Variants in CNTNAP5 observed in about 807,000 individuals in gnomAD.
The protein encoded by CNTNAP5 is contactin-associated protein-like 5.
A neutral mutation model predicts 150.2 loss-of-function variants in CNTNAP5; 72 were observed. The observed-to-expected ratio is 0.48, with a 90% confidence interval of 0.40 to 0.58. The LOEUF (loss-of-function observed/expected upper bound fraction) is 0.58, where lower values mean the gene tolerates loss of function less well. Among genes scored for constraint, CNTNAP5 ranks in the 20% least tolerant of loss-of-function variants. The pLI, the probability that CNTNAP5 is intolerant of heterozygous loss-of-function variation, is 0.00. For missense variants in CNTNAP5, 1,636 were observed against 1,626.2 expected (o/e 1.01, Z -0.10); for synonymous variants, 672 against 619.8 (o/e 1.08, Z -1.25).
intron 13 of CNTNAP5, among the ~76,000 whole-genome samples, chr2:124,693,463 G>C (rs192882286): frequency 6.6e-6 from 1 of 152,240 alleles, no homozygotes; most frequent in Admixed American, 6.5e-5. Flanking sequence ...TCTTTAGTAT[G>C]AGGATTCAGA....
At chr2:124,504,194 C>A in intron 7 of CNTNAP5, 98 bp from the exon 8 acceptor site, 3 of 1,226,544 alleles carry the variant, frequency 2.4e-6, no homozygotes, top group Non-Finnish European at 3.5e-6. Flanking sequence ...GTGGAATGAT[C>A]CTGAAATTAA....
chr2:124,205,926 G>A (rs1291713175), intron 1 of CNTNAP5, among the ~76,000 whole-genome samples: 2 of 152,188 alleles, frequency 1.3e-5, no homozygotes, highest in Non-Finnish European at 2.9e-5. Context: ...GGGCTCAAAT[G>A]AAGTTTCCAT....
intron 19 of CNTNAP5, among the ~76,000 whole-genome samples, chr2:124,806,646 G>A (rs1473487335): frequency 6.6e-6 from 1 of 152,206 alleles, no homozygotes; most frequent in Non-Finnish European, 1.5e-5. Flanking sequence ...GCTGTACTGT[G>A]AGAATCAGAA....
intron 1 of CNTNAP5, among the ~76,000 whole-genome samples, chr2:124,202,548 T>C (rs1292729598): frequency 6.6e-6 from 1 of 152,166 alleles, no homozygotes; most frequent in Non-Finnish European, 1.5e-5. Flanking sequence ...ACGAGCATTG[T>C]GGTAGTCCGT....
In CNTNAP5 at chr2:124,711,445, C is replaced by T. The variant is rs193001965; in HGVS notation, c.2078-35784C>T. On this transcript the variant is annotated intron_variant, in intron 13 of 23. Coordinates refer to ENST00000682447, the MANE Select transcript of CNTNAP5 (RefSeq NM_001367498.1). ...AATAGACTTCAAATGATTTCCTTCT[C>T]CCTGTCTCTATCTGCTTTAGTTCAG... Among the ~76,000 whole-genome samples, 3 of 152,216 alleles carry T rather than the reference C, an allele frequency of 2.0e-5. No individual in the cohort carries two copies. In the East Asian group the frequency reaches 5.8e-4, roughly 29 times the overall value.
chr2:124,731,412 G>A (rs1166871015), intron 13 of CNTNAP5, among the ~76,000 whole-genome samples: 2 of 151,454 alleles, frequency 1.3e-5, no homozygotes, highest in Admixed American at 1.3e-4. Flanking sequence ...ATAAAATACT[G>A]TAGATAGGAT....
intron 8 of CNTNAP5, among the ~76,000 whole-genome samples, chr2:124,507,053 A>G (rs968064185): frequency 6.6e-6 from 1 of 152,222 alleles, no homozygotes; most frequent in Non-Finnish European, 1.5e-5. Context: ...TTACATGCAC[A>G]CAGGAGTCAC....
chr2:124,242,374 A>G lies in CNTNAP5; in HGVS notation c.362A>G (p.Lys121Arg), dbSNP rs753828713. The G allele has an allele frequency of 6.2e-7, 1 of 1,613,064 alleles. No individual in the cohort carries two copies. ...ACAGGACGCAACTGGAAACAGTACA[A>G]ACAAGAAGACAGCATCTGGGTAGGA... ...SDTGRNWKQY[K>R]QEDSIWTFAG... Residue 121 changes from lysine to arginine, a missense_variant, in exon 3 of 24, where the codon AAA (lysine) becomes AGA (arginine). Lys to Arg is a conservative substitution (Grantham distance 26). Transcript: ENST00000682447.
At chr2:124,680,666 T>A (rs1217174995) in intron 13 of CNTNAP5, 1 of 151,886 alleles carries the variant, frequency 6.6e-6, no homozygotes, top group Non-Finnish European at 1.5e-5. Flanking sequence ...GTCTCATAAA[T>A]TTTTGTTGGA....
intron 12 of CNTNAP5, among the ~76,000 whole-genome samples, chr2:124,622,897 T>C (rs569947441): frequency 6.6e-6 from 1 of 152,198 alleles, no homozygotes; most frequent in Non-Finnish European, 1.5e-5. Flanking sequence ...TGTAAAATAT[T>C]GCACAGAATA....
chr2:124,154,068 G>A (rs1352350714), intron 1 of CNTNAP5, among the ~76,000 whole-genome samples: 9 of 152,090 alleles, frequency 5.9e-5, no homozygotes, highest in Admixed American at 5.9e-4. Context: ...CAAACATTCA[G>A]TTCATAACAA....
chr2:124,574,207 G>A (rs1455419106), intron 11 of CNTNAP5, among the ~76,000 whole-genome samples: 2 of 152,112 alleles, frequency 1.3e-5, no homozygotes, highest in Non-Finnish European at 2.9e-5. Context: ...GGGGACGGGG[G>A]ATACTCCTGC....
intron 3 of CNTNAP5, among the ~76,000 whole-genome samples, chr2:124,315,755 A>C (rs1449298011): frequency 6.6e-6 from 1 of 152,038 alleles, no homozygotes; most frequent in Non-Finnish European, 1.5e-5. Flanking sequence ...CCTGAGCTGC[A>C]AGGGGATCCT....
At chr2:124,275,152 C>T (rs939632427) in intron 3 of CNTNAP5, among the ~76,000 whole-genome samples, 3 of 152,060 alleles carry the variant, frequency 2.0e-5, no homozygotes, top group Non-Finnish European at 4.4e-5. Context: ...AAGACCCACC[C>T]CCATGATTCA....
chr2:124,565,834 C>T (rs898982690), intron 11 of CNTNAP5, among the ~76,000 whole-genome samples: 5 of 151,952 alleles, frequency 3.3e-5, no homozygotes, highest in East Asian at 1.9e-4. Flanking sequence ...CTCCTGAACT[C>T]GTGATCCTCC....
chr2:124,796,251 A>C (rs76902753), intron 18 of CNTNAP5, among the ~76,000 whole-genome samples: 3,470 of 152,316 alleles, frequency 0.023, 137 homozygotes, highest in African/African-American at 0.08. Context: ...ATAAAGAAAA[A>C]AGTAATATCC....
At chr2:124,507,334 T>G (rs1694434353) in intron 8 of CNTNAP5, among the ~76,000 whole-genome samples, 1 of 152,052 alleles carries the variant, frequency 6.6e-6, no homozygotes, top group Non-Finnish European at 1.5e-5. Context: ...GGTGCATGCC[T>G]GTAGTACCAG....
chr2:124,385,219 G>C (rs764898344), intron 3 of CNTNAP5, among the ~76,000 whole-genome samples: 33 of 152,202 alleles, frequency 2.2e-4, no homozygotes, highest in Non-Finnish European at 3.2e-4. Context: ...GGTGGGTAAG[G>C]ATGATGGTTG....
intron 1 of CNTNAP5, among the ~76,000 whole-genome samples, chr2:124,187,500 G>C (rs1335567536): frequency 1.3e-5 from 2 of 152,186 alleles, no homozygotes; most frequent in African/African-American, 2.4e-5. Context: ...TTGCAATGGG[G>C]ACAAGAGAAG....
Sources: gnomAD v4.1 joint callset for allele counts (sites outside exome capture counted in the v4.1 genomes callset) on GRCh38, gnomAD v4.1.1 for gene constraint, MANE v1.5 for transcripts, NCBI Gene and HGNC (gene_info 2026-07-23, HGNC 2026-07-21) for gene names.